The following UBAC2 variants were observed in gnomAD, a reference collection of about 807,000 sequenced individuals.
UBAC2 encodes the protein UBA domain containing 2.
UBAC2 carries 26 observed loss-of-function variants against 44.0 expected under a neutral mutation model. That is an observed-to-expected ratio of 0.59 (90% CI 0.43 to 0.82). UBAC2 has a LOEUF of 0.82. Among genes scored for constraint, UBAC2 ranks in the 40% least tolerant of loss-of-function variants. The probability of loss-of-function intolerance (pLI) is 0.00; values close to 1 mark genes in which losing one functional copy is unlikely to be tolerated. For synonymous variants in UBAC2, 155 were observed against 154.3 expected, an observed-to-expected ratio of 1.00 and a Z score of -0.04; for missense variants, 329 against 419.4, an observed-to-expected ratio of 0.78 and a Z score of 1.88.
chr13:99,327,785 A>G (rs1021617785), intron 6 of UBAC2, among the ~76,000 whole-genome samples: 2 of 152,192 alleles, frequency 1.3e-5, no homozygotes, highest in African/African-American at 4.8e-5. Context: ...TTATGTATCT[A>G]TTTGAGATCT....
At position 99,232,399 on chromosome 13, in the gene UBAC2, G is replaced by GAGATAGATAGATATATATAT. The variant is rs1367302629; in HGVS notation, c.32-6027_32-6026insGATAGATAGATATATATATA. On this transcript the variant is annotated intron_variant, in intron 1 of 8. Coordinates refer to ENST00000403766, the MANE Select transcript of UBAC2 (RefSeq NM_001144072.2). ...AGACCCTGTCCATCCTTAGTTGAGA[G>GAGATAGATAGATATATATAT]ATATAGATATATATATATATATTCA... Among the ~76,000 whole-genome samples, 27 of 109,970 alleles carry GAGATAGATAGATATATATAT rather than the reference G, an allele frequency of 2.5e-4. 1 individual carries two copies. Among genetic ancestry groups the GAGATAGATAGATATATATAT allele is most frequent in the South Asian group, 1.3e-3 (5 of 3,716 alleles). 72.1% of individuals were successfully genotyped at this position (109,970 alleles called of 152,430 possible). A position where few individuals can be genotyped will look rare whatever the true frequency, so the allele number is the denominator to read the frequency against.
chr13:99,297,799 G>A (rs1484875510), intron 4 of UBAC2, among the ~76,000 whole-genome samples: 3 of 151,014 alleles, frequency 2.0e-5, no homozygotes, highest in South Asian at 2.1e-4. Context: ...AGAGACTATC[G>A]GTTTAGATTA....
chr13:99,285,416 A>G lies in UBAC2; in HGVS notation c.390-28681A>G, dbSNP rs188008198. Among the ~76,000 whole-genome samples, 10 of 147,614 alleles carry G rather than the reference A, an allele frequency of 6.8e-5. No homozygotes were observed. The East Asian group carries it at 7.9e-4, about 12-fold the overall frequency. On this transcript the variant is annotated intron_variant, in intron 4 of 8. Coordinates refer to ENST00000403766, the MANE Select transcript of UBAC2 (RefSeq NM_001144072.2). ...TTCTTTTTTTTTTTTTTAAGAGACA[A>G]TTGTCTTGCTCTGTCACCCAGGCTG...
At chr13:99,284,013 G>A (rs186373056) in intron 4 of UBAC2, among the ~76,000 whole-genome samples, 33 of 152,268 alleles carry the variant, frequency 2.2e-4, no homozygotes, top group African/African-American at 6.3e-4. Context: ...GATAACAGGC[G>A]TGAGCCACCA....
intron 7 of UBAC2, among the ~76,000 whole-genome samples, chr13:99,344,888 G>A (rs2044949923): frequency 1.3e-5 from 2 of 152,184 alleles, no homozygotes; most frequent in East Asian, 1.9e-4. Context: ...CTTTCCCTCC[G>A]TGAGTTTGTG....
At chr13:99,247,537 T>C (rs2043402537) in intron 4 of UBAC2, among the ~76,000 whole-genome samples, 1 of 151,864 alleles carries the variant, frequency 6.6e-6, no homozygotes, top group African/African-American at 2.4e-5. Flanking sequence ...TTTAAATCAA[T>C]GTACTTCATG....
At chr13:99,210,970 T>TC in intron 1 of UBAC2, among the ~76,000 whole-genome samples, 2 of 152,250 alleles carry the variant, frequency 1.3e-5, no homozygotes, top group East Asian at 3.9e-4. Context: ...AGGTTGTTTC[T>TC]CCCCTCCTTT....
chr13:99,313,007 A>C (rs992953370), intron 4 of UBAC2: 3 of 151,510 alleles, frequency 2.0e-5, no homozygotes, highest in Non-Finnish European at 2.9e-5. Context: ...TTTGAGACGG[A>C]GTCTCGCTCT....
At chr13:99,205,753 G>A (rs562998110) in intron 1 of UBAC2, 26 of 163,082 alleles carry the variant, frequency 1.6e-4, no homozygotes, top group African/African-American at 5.8e-4. Flanking sequence ...CCCATTGATC[G>A]CCAGAGTTGA....
At chr13:99,271,873 A>G (rs1207910300) in intron 4 of UBAC2, among the ~76,000 whole-genome samples, 2 of 151,976 alleles carry the variant, frequency 1.3e-5, no homozygotes, top group African/African-American at 2.4e-5. Context: ...ATTAGCTTTT[A>G]TATTATTTTC....
chr13:99,312,422 A>C (rs555565801), intron 4 of UBAC2, among the ~76,000 whole-genome samples: 1 of 152,318 alleles, frequency 6.6e-6, no homozygotes, highest in African/African-American at 2.4e-5. Context: ...TTGTGCCCAA[A>C]CCACTCTACT....
At chr13:99,208,760 C>T (rs1322222681) in intron 1 of UBAC2, among the ~76,000 whole-genome samples, 1 of 152,160 alleles carries the variant, frequency 6.6e-6, no homozygotes, top group South Asian at 2.1e-4. Flanking sequence ...AGGTGAGGCT[C>T]TCAGATTGTT....
At chr13:99,312,007 A>G (rs2044417759) in intron 4 of UBAC2, among the ~76,000 whole-genome samples, 1 of 152,240 alleles carries the variant, frequency 6.6e-6, no homozygotes, top group Non-Finnish European at 1.5e-5. Context: ...GTCCTGACAC[A>G]GTGCCTGCAC....
rs201170460 is a variant in UBAC2 at position 99,255,225 on chromosome 13, G to A, written c.389+10601G>A. ...TGGGTTTCAGCTTAGACGTCCTGCC[G>A]TGAAGGAGATTATGAATAATGACCA... On this transcript the variant is annotated intron_variant, in intron 4 of 8. Coordinates refer to ENST00000403766, the MANE Select transcript of UBAC2 (RefSeq NM_001144072.2). 2.4e-5 allele frequency: 39 copies of A among 1,613,944 alleles called. No individual in the cohort carries two copies. The highest frequency in any genetic ancestry group is 1.6e-4 in the East Asian group (7 of 44,898).
intron 4 of UBAC2, among the ~76,000 whole-genome samples, chr13:99,298,538 G>A (rs2044210432): frequency 1.3e-5 from 2 of 151,928 alleles, no homozygotes. Flanking sequence ...ATTTAAAAAA[G>A]GAAAGATTTA....
chr13:99,355,362 C>G (rs1000734924), intron 7 of UBAC2, among the ~76,000 whole-genome samples: 2 of 152,166 alleles, frequency 1.3e-5, no homozygotes, highest in Non-Finnish European at 2.9e-5. Context: ...TCTTCAAGGC[C>G]ACTGTCTCAG....
At chr13:99,354,044 G>A (rs148048769) in intron 7 of UBAC2, among the ~76,000 whole-genome samples, 2 of 152,378 alleles carry the variant, frequency 1.3e-5, no homozygotes, top group Non-Finnish European at 2.9e-5. Context: ...GTGTGCACAC[G>A]TGCAGTGCCT....
chr13:99,252,652 G>A (rs1197264042), intron 4 of UBAC2, among the ~76,000 whole-genome samples: 2 of 152,052 alleles, frequency 1.3e-5, no homozygotes, highest in Non-Finnish European at 2.9e-5. Context: ...TTTTTTGTTA[G>A]TATTTATATG....
At chr13:99,284,499 G>A (rs534018480) in intron 4 of UBAC2, among the ~76,000 whole-genome samples, 2 of 152,200 alleles carry the variant, frequency 1.3e-5, no homozygotes, top group South Asian at 4.2e-4. Context: ...AACATTTTCC[G>A]CATTTGCTGT....
Sources: allele counts gnomAD v4.1 joint callset (sites outside exome capture counted in the v4.1 genomes callset), GRCh38; gene constraint gnomAD v4.1.1; transcripts MANE v1.5; gene names NCBI Gene and HGNC (gene_info 2026-07-23, HGNC 2026-07-21).